Variants in HIVEP3 observed in about 807,000 individuals in gnomAD.
The protein encoded by HIVEP3 is HIVEP zinc finger 3.
HIVEP3 carries 49 observed loss-of-function variants against 152.8 expected under a neutral mutation model. That is an observed-to-expected ratio of 0.32 (90% CI 0.26 to 0.41). The LOEUF (loss-of-function observed/expected upper bound fraction) is 0.41. HIVEP3 is among the 10% of genes least tolerant of loss of function. The pLI, the probability that HIVEP3 is intolerant of heterozygous loss-of-function variation, is 1.00. For missense variants in HIVEP3, 2,790 were observed against 3,103.3 expected, an observed-to-expected ratio of 0.90 and a Z score of 2.40; for synonymous variants, 1,269 against 1,289.0, an observed-to-expected ratio of 0.98 and a Z score of 0.33.
upstream of HIVEP3, among the ~76,000 whole-genome samples, chr1:41,923,787 A>T (rs1179538110): frequency 3.9e-5 from 6 of 152,352 alleles, no homozygotes; most frequent in East Asian, 1.2e-3. Flanking sequence ...TTATCTGTCA[A>T]TTAAAAATAA....
chr1:41,954,782 C>T (rs527468022), intron 1 of HIVEP3, among the ~76,000 whole-genome samples: 4 of 151,902 alleles, frequency 2.6e-5, no homozygotes, highest in African/African-American at 9.7e-5. Context: ...CTTCATCGCT[C>T]TTAGTCCGAG....
At chr1:41,526,183 TGAGG>T (rs1642897449) in intron 5 of HIVEP3, among the ~76,000 whole-genome samples, 1 of 151,782 alleles carries the variant, frequency 6.6e-6, no homozygotes, top group Non-Finnish European at 1.5e-5. Flanking sequence ...AGAGGGGACT[TGAGG>T]GAGAGAGCCC....
At chr1:41,975,249 A>G (rs1645253276) in intron 1 of HIVEP3, among the ~76,000 whole-genome samples, 1 of 152,010 alleles carries the variant, frequency 6.6e-6, no homozygotes, top group Admixed American at 6.6e-5. Flanking sequence ...TCATTCCCCC[A>G]CAGATGTTGA....
At chr1:41,674,883 A>G (rs1431169805) in intron 2 of HIVEP3, among the ~76,000 whole-genome samples, 1 of 152,120 alleles carries the variant, frequency 6.6e-6, no homozygotes, top group Non-Finnish European at 1.5e-5. Flanking sequence ...AAAACAGCTC[A>G]TCTTTAGTCC....
chr1:41,937,605 C>T (rs141032941), intron 1 of HIVEP3, among the ~76,000 whole-genome samples: 4 of 152,264 alleles, frequency 2.6e-5, no homozygotes, highest in African/African-American at 9.6e-5. Context: ...AAATATCTCA[C>T]CAATAATTTT....
intron 1 of HIVEP3, among the ~76,000 whole-genome samples, chr1:41,799,105 A>G (rs758388584): frequency 6.6e-6 from 1 of 152,222 alleles, no homozygotes; most frequent in East Asian, 1.9e-4. Flanking sequence ...ACAACACAAA[A>G]TAATATATGT....
chr1:41,632,187 G>A (rs1014285174), intron 2 of HIVEP3, among the ~76,000 whole-genome samples: 3 of 152,150 alleles, frequency 2.0e-5, no homozygotes, highest in Non-Finnish European at 4.4e-5. Flanking sequence ...CCCTCACCCC[G>A]AGTATGGCCT....
Position 41,527,499 on chromosome 1 carries a change from A to G in HIVEP3, c.5208-2589T>C, listed in dbSNP as rs1558029995. On this transcript the variant is annotated intron_variant, in intron 5 of 8. Coordinates refer to ENST00000372583, the MANE Select transcript of HIVEP3 (RefSeq NM_024503.5). Reference sequence around the variant, plus strand: ...CTTCATACTCACACACCACCCTCACACACACTCACACACCCCCGCCCTCAC... The same window carrying G: ...CTTCATACTCACACACCACCCTCACGCACACTCACACACCCCCGCCCTCAC... Among the ~76,000 whole-genome samples, 3 of 79,570 alleles carry G rather than the reference A, an allele frequency of 3.8e-5. No homozygotes were observed. In the Admixed American group the frequency reaches 3.9e-4, roughly 10 times the overall value. The allele number at this position is 79,570 out of a possible 152,430, so 52.2% of individuals were successfully genotyped here.
At chr1:41,515,359 G>A (rs1642573426) in intron 7 of HIVEP3, among the ~76,000 whole-genome samples, 2 of 152,252 alleles carry the variant, frequency 1.3e-5, no homozygotes, top group South Asian at 4.1e-4. Context: ...GTGGAGCTGG[G>A]GCTGGCAGGC....
intron 1 of HIVEP3, among the ~76,000 whole-genome samples, chr1:41,963,189 T>G (rs1645178499): frequency 6.6e-6 from 1 of 151,950 alleles, no homozygotes; most frequent in African/African-American, 2.4e-5. Flanking sequence ...TTTTTTGTAT[T>G]TTTAGTAGAG....
chr1:42,013,849 T>A (rs752373752), intron 1 of HIVEP3, among the ~76,000 whole-genome samples: 9 of 152,186 alleles, frequency 5.9e-5, no homozygotes, highest in African/African-American at 1.4e-4. Flanking sequence ...AATTTTTACA[T>A]CTCCTGTTTA....
chr1:41,522,084 G>A (rs1023017190), intron 6 of HIVEP3, among the ~76,000 whole-genome samples: 1 of 152,240 alleles, frequency 6.6e-6, no homozygotes, highest in Non-Finnish European at 1.5e-5. Context: ...GGGCTCCCCA[G>A]GCCCTGGTGT....
At chr1:42,031,271 G>A (rs1645611018) in intron 1 of HIVEP3, among the ~76,000 whole-genome samples, 1 of 152,152 alleles carries the variant, frequency 6.6e-6, no homozygotes, top group South Asian at 2.1e-4. Context: ...GAACAACCCA[G>A]TTATTGAAAT....
intron 1 of HIVEP3, among the ~76,000 whole-genome samples, chr1:41,714,193 G>A (rs1471023786): frequency 6.6e-6 from 1 of 152,206 alleles, no homozygotes; most frequent in African/African-American, 2.4e-5. Flanking sequence ...ACCCTCTGAT[G>A]TTACTGGCTG....
intron 2 of HIVEP3, among the ~76,000 whole-genome samples, chr1:41,633,099 T>C (rs924710025): frequency 2.0e-5 from 3 of 151,834 alleles, no homozygotes; most frequent in African/African-American, 7.3e-5. Context: ...CCGTGGCAGG[T>C]CAGAGGGCTG....
rs1037734987 is a variant in HIVEP3, at chr1:41,664,803, TCTC to T, written c.-720-35859_-720-35857del. Among the ~76,000 whole-genome samples, 4 of 152,086 alleles carry T rather than the reference TCTC, an allele frequency of 2.6e-5. No homozygotes were observed. The highest frequency in any genetic ancestry group is 4.4e-5 in the Non-Finnish European group (3 of 68,012). ...GGAGACTGGGATGGCTTGGGATTTG[TCTC>T]CTCCTTTCTCTTGACAAACTCCTCT... On this transcript the variant is annotated intron_variant, in intron 2 of 8. Coordinates refer to ENST00000372583, the MANE Select transcript of HIVEP3 (RefSeq NM_024503.5). The surrounding 1 kb of genome is among the most constrained non-coding windows in gnomAD (Gnocchi z 4.4).
At chr1:41,529,433 AC>A (rs1360287588) in intron 5 of HIVEP3, among the ~76,000 whole-genome samples, 1 of 107,438 alleles carries the variant, frequency 9.3e-6, no homozygotes, top group Non-Finnish European at 1.9e-5. Flanking sequence ...ACACCCTCAC[AC>A]ATGCTCACAC....
intron 1 of HIVEP3, among the ~76,000 whole-genome samples, chr1:41,747,070 G>A (rs2124216424): frequency 6.6e-6 from 1 of 152,286 alleles, no homozygotes; most frequent in Middle Eastern, 3.4e-3. Flanking sequence ...GGAAACTGAG[G>A]ATTCCCACCT....
At chr1:41,818,154 G>A (rs895856978) in intron 1 of HIVEP3, among the ~76,000 whole-genome samples, 7 of 152,158 alleles carry the variant, frequency 4.6e-5, no homozygotes, top group Admixed American at 2.0e-4. Context: ...TTTAAAAAAT[G>A]GCAAAGCATA....
Sources: allele counts gnomAD v4.1 joint callset (sites outside exome capture counted in the v4.1 genomes callset), GRCh38; gene constraint gnomAD v4.1.1; non-coding constraint Gnocchi (gnomAD v3.1); transcripts MANE v1.5; gene names NCBI Gene and HGNC (gene_info 2026-07-23, HGNC 2026-07-21).